Variants in FRMD3 observed in about 807,000 individuals in gnomAD.
FRMD3 encodes the protein FERM domain-containing protein 3.
FRMD3 carries 33 observed loss-of-function variants against 70.2 expected under a neutral mutation model. That is an observed-to-expected ratio of 0.47 (90% CI 0.36 to 0.63). The LOEUF (loss-of-function observed/expected upper bound fraction) is 0.63, where lower values mean the gene tolerates loss of function less well. Ranked by LOEUF, FRMD3 falls within the 20% of genes least tolerant of loss-of-function variation. FRMD3 has a pLI of 0.00. For missense variants in FRMD3, 632 were observed against 711.4 expected (o/e 0.89, Z 1.27); for synonymous variants, 279 against 255.9 (o/e 1.09, Z -0.86).
At chr9:83,386,723 A>G (rs952598858) in intron 2 of FRMD3, among the ~76,000 whole-genome samples, 4 of 152,062 alleles carry the variant, frequency 2.6e-5, no homozygotes, top group Admixed American at 1.3e-4. Flanking sequence ...CAGTTTTCCC[A>G]CTACTATACT....
intron 13 of FRMD3, 136 bp from the exon 14 acceptor site, chr9:83,248,652 A>G (rs1321613228): frequency 3.1e-6 from 3 of 968,740 alleles, no homozygotes; most frequent in Non-Finnish European, 4.4e-6. Flanking sequence ...CCTAAGTTGT[A>G]ACAAAGTCGT....
At chr9:83,318,118 T>C (rs1396234099) in intron 6 of FRMD3, among the ~76,000 whole-genome samples, 1 of 152,230 alleles carries the variant, frequency 6.6e-6, no homozygotes, top group Non-Finnish European at 1.5e-5. Context: ...TAATTTTTAA[T>C]GTCTATTTTC....
intron 13 of FRMD3, among the ~76,000 whole-genome samples, chr9:83,279,694 G>A (rs564522474): frequency 1.5e-4 from 22 of 151,628 alleles, no homozygotes; most frequent in Non-Finnish European, 2.8e-4. Context: ...AAACTAACAC[G>A]GGAACAGAAA....
intron 13 of FRMD3, among the ~76,000 whole-genome samples, chr9:83,263,132 T>A (rs1419987182): frequency 6.6e-6 from 1 of 152,206 alleles, no homozygotes; most frequent in Non-Finnish European, 1.5e-5. Flanking sequence ...CGTCCTATGG[T>A]GCTGACAGCA....
At chr9:83,348,538 T>C (rs1446189566) in intron 4 of FRMD3, among the ~76,000 whole-genome samples, 1 of 152,040 alleles carries the variant, frequency 6.6e-6, no homozygotes, top group East Asian at 1.9e-4. Context: ...CTTCTAGAAT[T>C]AGATGGTGGG....
At chr9:83,404,236 C>G (rs1826034757) in intron 1 of FRMD3, among the ~76,000 whole-genome samples, 1 of 152,226 alleles carries the variant, frequency 6.6e-6, no homozygotes, top group African/African-American at 2.4e-5. Context: ...ATTTACATCT[C>G]TTCTGACTAC....
chr9:83,349,973 A>G (rs1013241272), intron 3 of FRMD3, among the ~76,000 whole-genome samples: 1 of 152,190 alleles, frequency 6.6e-6, no homozygotes, highest in Non-Finnish European at 1.5e-5. Flanking sequence ...CTCCCAGAGC[A>G]AATGTAGAAT....
chr9:83,416,749 C>CTCTGTCTCTCTCTCTCTCTCTCTG (rs1554702041), intron 1 of FRMD3, among the ~76,000 whole-genome samples: 1 of 96,066 alleles, frequency 1.0e-5, no homozygotes, highest in African/African-American at 4.6e-5. Flanking sequence ...CTCTCTGTCT[C>CTCTGTCTCTCTCTCTCTCTCTCTG]TCTCTCTCTC....
At chr9:83,290,927 A>G (rs1383980699) in intron 12 of FRMD3, among the ~76,000 whole-genome samples, 200 bp from the exon 13 acceptor site, 1 of 152,152 alleles carries the variant, frequency 6.6e-6, no homozygotes, top group Non-Finnish European at 1.5e-5. Flanking sequence ...AAATGTCCCT[A>G]TGTTCTACTG....
intron 1 of FRMD3, among the ~76,000 whole-genome samples, chr9:83,459,990 C>T (rs117383494): frequency 0.015 from 2,269 of 152,340 alleles, 28 homozygotes; most frequent in Admixed American, 0.023. Context: ...TCTTCTTATG[C>T]GGACATTAAT....
chr9:83,426,629 G>A (rs1826819137), intron 1 of FRMD3, among the ~76,000 whole-genome samples: 1 of 152,234 alleles, frequency 6.6e-6, no homozygotes, highest in African/African-American at 2.4e-5. Context: ...AGGATAAGTG[G>A]GAGGAGGCAT....
At chr9:83,553,621 T>C in the FRMD3 span, among the ~76,000 whole-genome samples, 3 of 152,340 alleles carry the variant, frequency 2.0e-5, no homozygotes, top group East Asian at 5.8e-4. Flanking sequence ...CTTCAAGTTC[T>C]GAGATTCTTT....
rs374489012 is a variant in FRMD3, at chr9:83,432,748, G to T, written c.148-43040C>A. On this transcript the variant is annotated intron_variant, in intron 1 of 13. Coordinates refer to ENST00000304195, the MANE Select transcript of FRMD3 (RefSeq NM_174938.6). ...CTTTTTTTCTTAAATAGATTTAACA[G>T]ATTTAAAAAAATTTTAATTTCAATA... Among the ~76,000 whole-genome samples the T allele has an allele frequency of 7.9e-5, 12 of 152,280 alleles. No homozygotes were observed. The East Asian group carries it at 1.5e-3, about 20-fold the overall frequency.
At chr9:83,524,644 C>T (rs1207045537) in intron 1 of FRMD3, among the ~76,000 whole-genome samples, 1 of 151,998 alleles carries the variant, frequency 6.6e-6, no homozygotes, top group African/African-American at 2.4e-5. Flanking sequence ...AAGAGCAAAC[C>T]TAAAATACAA....
rs558835267 is a variant in FRMD3 at position 83,248,076 on chromosome 9, G to A, written c.1636C>T (p.Leu546Phe). The A allele has an allele frequency of 2.5e-6, 4 of 1,614,190 alleles. No individual in the cohort carries two copies. In the East Asian group the frequency reaches 8.9e-5, roughly 36 times the overall value. ...LGLLLFVFPL[L>F]LLLLESGIDL... Reference sequence around the variant, plus strand: ...ATACCTGACTCCAAAAGGAGGAGGAGCAGGGGAAATACAAAGAGCAGCAGT... The same window carrying A: ...ATACCTGACTCCAAAAGGAGGAGGAACAGGGGAAATACAAAGAGCAGCAGT... Residue 546 changes from leucine (L) to phenylalanine (F), a missense_variant, in exon 14 of 14, where the codon CTC (leucine) becomes TTC (phenylalanine). Leu to Phe is a conservative substitution (Grantham distance 22). This residue lies in a region of FRMD3 where 418 missense variants were observed against 442.1 expected (regional missense o/e 0.95). Coordinates refer to ENST00000304195, the MANE Select transcript of FRMD3 (RefSeq NM_174938.6).
At chr9:83,562,689 T>G in the FRMD3 span, among the ~76,000 whole-genome samples, 1 of 152,242 alleles carries the variant, frequency 6.6e-6, no homozygotes, top group Non-Finnish European at 1.5e-5. Flanking sequence ...GAATTTGCTG[T>G]CACCGAGCCA....
intron 2 of FRMD3, among the ~76,000 whole-genome samples, chr9:83,387,395 T>A (rs1396125198): frequency 1.3e-5 from 2 of 152,212 alleles, no homozygotes; most frequent in Non-Finnish European, 2.9e-5. Flanking sequence ...TCTTGCCTTA[T>A]GGAAGCCACT....
chr9:83,525,557 T>G (rs1424831504), intron 1 of FRMD3, among the ~76,000 whole-genome samples: 2 of 152,226 alleles, frequency 1.3e-5, no homozygotes, highest in Non-Finnish European at 2.9e-5. Context: ...TTTTGTAGCA[T>G]GTTGATAGGA....
chr9:83,370,910 A>T (rs895007005), intron 3 of FRMD3, among the ~76,000 whole-genome samples: 20 of 151,204 alleles, frequency 1.3e-4, no homozygotes, highest in Non-Finnish European at 3.0e-4. Context: ...ACCCTGTCTT[A>T]AAAAAAAATT....
Sources: allele counts gnomAD v4.1 joint callset (sites outside exome capture counted in the v4.1 genomes callset), GRCh38; gene constraint gnomAD v4.1.1; regional missense constraint gnomAD v4.1.1; transcripts MANE v1.5; gene names NCBI Gene and HGNC (gene_info 2026-07-23, HGNC 2026-07-21).